Variants in PRKCE observed in about 807,000 individuals in gnomAD.
PRKCE encodes protein kinase C epsilon.
A neutral mutation model predicts 85.4 loss-of-function variants in PRKCE; 16 were observed. That is an observed-to-expected ratio of 0.19 (90% CI 0.13 to 0.28). PRKCE has a LOEUF of 0.28. Among genes scored for constraint, PRKCE ranks in the 10% least tolerant of loss-of-function variants. The pLI is 1.00. For missense variants in PRKCE, 573 were observed against 975.2 expected (o/e 0.59, Z 5.49); for synonymous variants, 388 against 371.5 (o/e 1.04, Z -0.51).
intron 10 of PRKCE, among the ~76,000 whole-genome samples, chr2:46,055,449 C>G (rs1010538284): frequency 3.3e-5 from 5 of 152,228 alleles, no homozygotes; most frequent in African/African-American, 1.2e-4. Flanking sequence ...GTGAAATACC[C>G]TGGTTCAATT....
At chr2:46,059,118 G>A (rs1666876550) in intron 10 of PRKCE, among the ~76,000 whole-genome samples, 1 of 152,198 alleles carries the variant, frequency 6.6e-6, no homozygotes, top group African/African-American at 2.4e-5. Context: ...GAGCTTTGTG[G>A]TGCTTGTTTG....
In PRKCE at chr2:46,138,594, C is replaced by G. The variant is rs146223244; in HGVS notation, c.1593-6499C>G. On this transcript the variant is annotated intron_variant, in intron 11 of 14. Coordinates refer to ENST00000306156, the MANE Select transcript of PRKCE (RefSeq NM_005400.3). This position sits in a 1 kb window ranked among gnomAD's most constrained non-coding sequence, Gnocchi z 4.2. ...CAAATCTCTGTCTGGCTTAGTGATC[C>G]GGGCCAGGCCGTGTTAGAGCCCTGA... Among the ~76,000 whole-genome samples, 1 of 152,124 alleles carries G rather than the reference C, an allele frequency of 6.6e-6. No individual in the cohort carries two copies. The highest frequency in any genetic ancestry group is 2.4e-5 in the African/African-American group (1 of 41,402).
intron 2 of PRKCE, among the ~76,000 whole-genome samples, chr2:45,967,624 A>C (rs938965725): frequency 6.6e-6 from 1 of 152,232 alleles, no homozygotes; most frequent in African/African-American, 2.4e-5. Context: ...GTAATGTAGT[A>C]GTTTAGAAAA....
At chr2:45,823,013 C>G (rs895014631) in intron 1 of PRKCE, among the ~76,000 whole-genome samples, 12 of 152,286 alleles carry the variant, frequency 7.9e-5, no homozygotes, top group African/African-American at 2.9e-4. Flanking sequence ...TCCTGTTAAA[C>G]CCCCACTCCC....
chr2:45,691,960 T>C (rs1435622757), intron 1 of PRKCE, among the ~76,000 whole-genome samples: 1 of 152,256 alleles, frequency 6.6e-6, no homozygotes, highest in Non-Finnish European at 1.5e-5. Context: ...ACTGACTATG[T>C]GTCCGTTGTT....
intron 1 of PRKCE, among the ~76,000 whole-genome samples, chr2:45,789,638 G>A (rs1235553461): frequency 7.2e-5 from 11 of 152,116 alleles, no homozygotes; most frequent in Admixed American, 7.2e-4. Flanking sequence ...CTCTGGTTGG[G>A]GGAAAGGGGG....
chr2:45,956,101 A>G (rs1216096037), intron 2 of PRKCE, among the ~76,000 whole-genome samples: 2 of 152,184 alleles, frequency 1.3e-5, no homozygotes, highest in Non-Finnish European at 1.5e-5. Context: ...TTCATTTAGC[A>G]TGGTGCATTT....
chr2:45,986,839 A>C (rs1703367703), intron 6 of PRKCE, among the ~76,000 whole-genome samples: 1 of 151,944 alleles, frequency 6.6e-6, no homozygotes, highest in Non-Finnish European at 1.5e-5. Context: ...TATTCTTTCT[A>C]GTGTGTGACC....
rs1308731158 is a variant in PRKCE, at chr2:45,774,791, A to T, written c.349-68209A>T. 6.6e-6 allele frequency among the ~76,000 whole-genome samples: 1 copy of T among 152,052 alleles called. No homozygotes were observed. Among genetic ancestry groups the T allele is most frequent in the Non-Finnish European group, 1.5e-5 (1 of 68,016 alleles). ...GGACCCACCCAAGCTGCACATTCCC[A>T]GGGCCAGTGCACCCTTTCCCGTGTG... On this transcript the variant is annotated intron_variant, in intron 1 of 14. Coordinates refer to ENST00000306156, the MANE Select transcript of PRKCE (RefSeq NM_005400.3). This position sits in a 1 kb window ranked among gnomAD's most constrained non-coding sequence, Gnocchi z 4.3.
intron 1 of PRKCE, among the ~76,000 whole-genome samples, chr2:45,686,124 G>A (rs1233444035): frequency 6.6e-6 from 1 of 152,146 alleles, no homozygotes; most frequent in Non-Finnish European, 1.5e-5. Flanking sequence ...TTAAAGGGAA[G>A]GAGTATGCAA....
intron 1 of PRKCE, among the ~76,000 whole-genome samples, chr2:45,671,187 C>T (rs572162079): frequency 1.3e-5 from 2 of 152,192 alleles, no homozygotes; most frequent in Non-Finnish European, 2.9e-5. Context: ...ACAATTTGTA[C>T]TGTTTTCTTT....
intron 11 of PRKCE, among the ~76,000 whole-genome samples, chr2:46,136,995 G>A (rs947366374): frequency 1.3e-5 from 2 of 152,208 alleles, no homozygotes; most frequent in Non-Finnish European, 2.9e-5. Context: ...AATAAAAGGA[G>A]TTTTAGGGAT....
rs1310360316 is a variant in PRKCE, at chr2:46,139,866, C to T, written c.1593-5227C>T. On this transcript the variant is annotated intron_variant, in intron 11 of 14. Coordinates refer to ENST00000306156, the MANE Select transcript of PRKCE (RefSeq NM_005400.3). This position sits in a 1 kb window ranked among gnomAD's most constrained non-coding sequence, Gnocchi z 5.2. ...TAACTACACCCTGCTCCAAGGGCAG[C>T]TTTTAATTCTAGTTCATGGCTGCGT... 1.3e-5 allele frequency among the ~76,000 whole-genome samples: 2 copies of T among 152,136 alleles called. No homozygotes were observed. The highest frequency in any genetic ancestry group is 2.9e-5 in the Non-Finnish European group (2 of 68,024).
intron 1 of PRKCE, among the ~76,000 whole-genome samples, chr2:45,766,168 A>G (rs982005183): frequency 2.0e-5 from 3 of 151,896 alleles, no homozygotes; most frequent in African/African-American, 7.3e-5. Context: ...TGGTGCATGG[A>G]AGCGTGCAGG....
At chr2:46,111,846 G>A (rs750952985) in intron 11 of PRKCE, among the ~76,000 whole-genome samples, 1 of 152,254 alleles carries the variant, frequency 6.6e-6, no homozygotes, top group Non-Finnish European at 1.5e-5. Context: ...GACTTGCTGG[G>A]TCAAGTAGTG....
In PRKCE at chr2:45,651,912, C is replaced by G. The variant is rs952646099; in HGVS notation, c.-189C>G. On this transcript the variant is annotated 5_prime_UTR_variant, in exon 1 of 15. Transcript: ENST00000306156. ...TCCCTGTTTTCCGTTAGGAACCCGG[C>G]GAGGAAATACATGCACTGGCTGAGA... 2 of 501,836 alleles carry G rather than the reference C, an allele frequency of 4.0e-6. No individual in the cohort carries two copies. The highest frequency in any genetic ancestry group is 7.2e-5 in the South Asian group (2 of 27,648). 31.1% of individuals were successfully genotyped at this position (501,836 alleles called of 1,614,324 possible).
intron 2 of PRKCE, among the ~76,000 whole-genome samples, chr2:45,880,484 G>A (rs367543657): frequency 9.7e-4 from 147 of 152,260 alleles, no homozygotes; most frequent in African/African-American, 3.3e-3. Flanking sequence ...AGACTTGGCC[G>A]AGCCCAATCT....
intron 12 of PRKCE, among the ~76,000 whole-genome samples, chr2:46,148,476 C>T (rs1412867346): frequency 6.6e-6 from 1 of 152,218 alleles, no homozygotes; most frequent in East Asian, 1.9e-4. Flanking sequence ...ACACAAGCCA[C>T]CTTCTCCCCA....
intron 11 of PRKCE, among the ~76,000 whole-genome samples, chr2:46,118,142 A>G (rs1473525944): frequency 1.3e-5 from 2 of 152,236 alleles, no homozygotes; most frequent in Non-Finnish European, 2.9e-5. Flanking sequence ...GCAACTCTAG[A>G]GGAAAAGCTT....
Sources: gnomAD v4.1 joint callset for allele counts (sites outside exome capture counted in the v4.1 genomes callset) on GRCh38, gnomAD v4.1.1 for gene constraint, Gnocchi (gnomAD v3.1) non-coding constraint, MANE v1.5 for transcripts, NCBI Gene and HGNC (gene_info 2026-07-23, HGNC 2026-07-21) for gene names.